NEBL: variants seen among roughly 807,000 people sequenced by gnomAD.
NEBL encodes the protein LIM and SH3 protein 2.
In NEBL, 122 loss-of-function variants were observed where a neutral mutation model predicts 140.2. The ratio of observed to expected loss-of-function variants is 0.87; its 90% CI spans 0.75 to 1.01. NEBL has a LOEUF of 1.01. Among genes scored for constraint, NEBL ranks in the 50% least tolerant of loss-of-function variants. The pLI, the probability that NEBL is intolerant of heterozygous loss-of-function variation, is 0.00. For synonymous variants in NEBL, 436 were observed against 398.9 expected (o/e 1.09, Z -1.11); for missense variants, 1,365 against 1,231.3 (o/e 1.11, Z -1.62).
intron 23 of NEBL, 147 bp downstream of exon 23, chr10:20,813,792 T>C (rs1838407670): frequency 3.0e-6 from 2 of 664,900 alleles, no homozygotes; most frequent in South Asian, 1.6e-5. Context: ...CATTTCAGTG[T>C]GATTAGAAAT....
At chr10:21,239,533 C>T (rs903722631) in intron 3 of NEBL, among the ~76,000 whole-genome samples, 1 of 152,092 alleles carries the variant, frequency 6.6e-6, no homozygotes, top group East Asian at 1.9e-4. Context: ...GACCCCCAAA[C>T]CCAGAATTTT....
At chr10:21,183,554 G>A (rs1246834026) in intron 3 of NEBL, among the ~76,000 whole-genome samples, 1 of 152,224 alleles carries the variant, frequency 6.6e-6, no homozygotes, top group Non-Finnish European at 1.5e-5. Flanking sequence ...CAGCAGGGCA[G>A]TCTCAAAGAC....
chr10:20,862,379 TA>T (rs1392019992), intron 7 of NEBL, among the ~76,000 whole-genome samples: 1 of 152,092 alleles, frequency 6.6e-6, no homozygotes, highest in East Asian at 1.9e-4. Context: ...CTACATTATA[TA>T]AAAAAATGCA....
At chr10:20,835,719 T>C (rs1840824973) in intron 13 of NEBL, 96 bp from the exon 14 acceptor site, 2 of 880,166 alleles carry the variant, frequency 2.3e-6, no homozygotes, top group Admixed American at 3.5e-5. Context: ...AGACATATTT[T>C]ACAAAAGAGG....
intron 3 of NEBL, among the ~76,000 whole-genome samples, chr10:20,989,963 T>C (rs554420421): frequency 2.0e-5 from 3 of 152,348 alleles, no homozygotes; most frequent in South Asian, 4.1e-4. Flanking sequence ...GAACCTGTGA[T>C]GTTAACATTG....
intron 2 of NEBL, among the ~76,000 whole-genome samples, chr10:21,153,789 C>G (rs1213598146): frequency 6.6e-6 from 1 of 152,118 alleles, no homozygotes; most frequent in African/African-American, 2.4e-5. Context: ...GCTGGGGTTA[C>G]AGGCGTGAGC....
intron 1 of NEBL, among the ~76,000 whole-genome samples, chr10:21,278,212 G>A (rs1048821196): frequency 5.9e-5 from 9 of 152,102 alleles, no homozygotes; most frequent in African/African-American, 1.2e-4. Context: ...AGCCTGAGGC[G>A]GGAGAATTGC....
At chr10:21,015,520 G>T (rs1418114876) in intron 3 of NEBL, among the ~76,000 whole-genome samples, 2 of 152,048 alleles carry the variant, frequency 1.3e-5, no homozygotes, top group African/African-American at 4.8e-5. Flanking sequence ...GGGGTTTTTT[G>T]TTTGTTTCCT....
chr10:21,173,922 T>TGGC lies in NEBL; in HGVS notation c.-92_-90dup. 1 of 1,509,020 alleles carries TGGC rather than the reference T, an allele frequency of 6.6e-7. No homozygotes were observed. Among genetic ancestry groups the TGGC allele is most frequent in the South Asian group, 1.3e-5 (1 of 79,708 alleles). The allele number at this position is 1,509,020 out of a possible 1,614,324, so 93.5% of individuals were successfully genotyped here. ...CCCCGGCGAGCCCCGCACCGCCTCC[T>TGGC]GGCAGGCGGGAGGGCTGCGGGCGGC... is the stretch of plus-strand genomic sequence containing the variant. On this transcript the variant is annotated 5_prime_UTR_variant, in exon 1 of 7. Transcript: ENST00000417816. The surrounding 1 kb of genome is among the most constrained non-coding windows in gnomAD (Gnocchi z 5.7).
At chr10:21,107,526 T>C (rs1021808158) in intron 2 of NEBL, among the ~76,000 whole-genome samples, 1 of 152,222 alleles carries the variant, frequency 6.6e-6, no homozygotes, top group Non-Finnish European at 1.5e-5. Flanking sequence ...GCCGACTTGA[T>C]CATGACAGAT....
intron 3 of NEBL, among the ~76,000 whole-genome samples, chr10:21,002,898 G>A (rs996176805): frequency 7.9e-5 from 12 of 151,828 alleles, no homozygotes; most frequent in African/African-American, 2.7e-4. Flanking sequence ...AATTAGTGAG[G>A]TCTCTTTCAC....
At chr10:20,915,526 A>G (rs1435981559) in intron 4 of NEBL, among the ~76,000 whole-genome samples, 1 of 150,642 alleles carries the variant, frequency 6.6e-6, no homozygotes, top group Non-Finnish European at 1.5e-5. Flanking sequence ...TGTTCTTGCG[A>G]TAGTTTACTG....
At chr10:21,169,575 G>A (rs981829583) in intron 2 of NEBL, among the ~76,000 whole-genome samples, 2 of 152,078 alleles carry the variant, frequency 1.3e-5, no homozygotes, top group Non-Finnish European at 2.9e-5. Flanking sequence ...CTGACAGCAG[G>A]GACCTTTGAG....
At chr10:20,819,921 T>C (rs10828137) in intron 19 of NEBL, among the ~76,000 whole-genome samples, 38,845 of 151,928 alleles carry the variant, frequency 0.26, 5,248 homozygotes, top group East Asian at 0.4. Context: ...CACTTTTTGT[T>C]GTTTTCCTTC....
At chr10:21,103,939 G>A (rs989305521) in intron 2 of NEBL, among the ~76,000 whole-genome samples, 7 of 152,074 alleles carry the variant, frequency 4.6e-5, no homozygotes, top group Non-Finnish European at 8.8e-5. Flanking sequence ...TTAAGTTTAT[G>A]ATATGTTTCA....
intron 3 of NEBL, among the ~76,000 whole-genome samples, chr10:20,990,923 C>T (rs922280842): frequency 2.6e-5 from 4 of 152,148 alleles, no homozygotes; most frequent in Non-Finnish European, 4.4e-5. Flanking sequence ...TTTCTCCTTC[C>T]CTTTCTTCCT....
chr10:20,810,780 CAATT>C (rs1443564054), intron 24 of NEBL, among the ~76,000 whole-genome samples: 2 of 152,160 alleles, frequency 1.3e-5, no homozygotes, highest in Non-Finnish European at 2.9e-5. Context: ...ACAGCAAAAA[CAATT>C]AATTTGTAAA....
chr10:21,027,318 C>CT (rs991223103), intron 2 of NEBL, among the ~76,000 whole-genome samples: 12 of 132,066 alleles, frequency 9.1e-5, no homozygotes, highest in South Asian at 3.0e-4. Flanking sequence ...AAAACAACAA[C>CT]TTTTTTTGTT....
rs556263940 is a variant in NEBL, at chr10:20,974,962, T to A, written c.250-13183A>T. Among the ~76,000 whole-genome samples the A allele has an allele frequency of 1.1e-4, 17 of 152,310 alleles. No homozygotes were observed. In the South Asian group the frequency reaches 1.2e-3, roughly 11 times the overall value. On this transcript the variant is annotated intron_variant, in intron 3 of 6. Coordinates refer to the NEBL transcript ENST00000417816. ...GCTTCAGTTCATCTATTATCTTGAT[T>A]GTATTTCTATGAAGTTTCAAGTTTC...
Sources: gnomAD v4.1 joint callset for allele counts (sites outside exome capture counted in the v4.1 genomes callset) on GRCh38, gnomAD v4.1.1 for gene constraint, Gnocchi (gnomAD v3.1) non-coding constraint, MANE v1.5 for transcripts, NCBI Gene and HGNC (gene_info 2026-07-23, HGNC 2026-07-21) for gene names.